Variants in PLCB1 observed in about 807,000 individuals in gnomAD.
PLCB1 encodes phospholipase C beta 1.
In PLCB1, 46 loss-of-function variants were observed where a neutral mutation model predicts 161.8. That is an observed-to-expected ratio of 0.28 (90% CI 0.22 to 0.36). The LOEUF is 0.36. Ranked by LOEUF, PLCB1 falls within the 10% of genes least tolerant of loss-of-function variation. The pLI, the probability that PLCB1 is intolerant of heterozygous loss-of-function variation, is 1.00. For synonymous variants in PLCB1, 517 were observed against 503.7 expected (o/e 1.03, Z -0.35); for missense variants, 1,016 against 1,472.5 (o/e 0.69, Z 5.07).
rs189573432 is a variant in PLCB1 at position 8,825,658 on chromosome 20, A to G, written c.3423+35397A>G. Among the ~76,000 whole-genome samples the G allele has an allele frequency of 4.4e-3, 676 of 152,358 alleles. 8 individuals carry two copies. Among genetic ancestry groups the G allele is most frequent in the South Asian group, 0.04 (191 of 4,824 alleles). ...ATTAACAATTTTGGCTTTTATCCTA[A>G]TAAGACTTAAGGCTGGCTGAAGGTA... On this transcript the variant is annotated intron_variant, in intron 31 of 31. Transcript: ENST00000338037.
At chr20:8,462,601 C>A (rs186455660) in intron 3 of PLCB1, among the ~76,000 whole-genome samples, 171 of 152,248 alleles carry the variant, frequency 1.1e-3, no homozygotes, top group Non-Finnish European at 8.2e-4. Flanking sequence ...TTGCATTGAT[C>A]AGTGTTTTCA....
rs753397179 is a variant in PLCB1 at position 8,132,782 on chromosome 20, T to C, written c.99+32T>C. On this transcript the variant is annotated intron_variant, in intron 1 of 31. Coordinates refer to ENST00000338037, the MANE Select transcript of PLCB1 (RefSeq NM_015192.4). The surrounding 1 kb of genome is among the most constrained non-coding windows in gnomAD (Gnocchi z 5.2). Reference sequence around the variant, plus strand: ...ATTGGGGCGGCCCGAGTCGGGGCGCTGGCTCGGGCACCGGGCAGGGCGGGC... The same window carrying C: ...ATTGGGGCGGCCCGAGTCGGGGCGCCGGCTCGGGCACCGGGCAGGGCGGGC... The C allele has an allele frequency of 6.1e-6, 9 of 1,467,560 alleles. No homozygotes were observed. Among genetic ancestry groups the C allele is most frequent in the Non-Finnish European group, 8.6e-6 (9 of 1,051,014 alleles). The allele number at this position is 1,467,560 out of a possible 1,614,324, so 90.9% of individuals were successfully genotyped here.
At chr20:8,247,074 G>A (rs1980912222) in intron 2 of PLCB1, among the ~76,000 whole-genome samples, 1 of 151,898 alleles carries the variant, frequency 6.6e-6, no homozygotes, top group Admixed American at 6.6e-5. Flanking sequence ...CATTTTCCAA[G>A]GAGCACTGTC....
At chr20:8,498,463 A>G (rs1983269951) in intron 3 of PLCB1, among the ~76,000 whole-genome samples, 1 of 152,152 alleles carries the variant, frequency 6.6e-6, no homozygotes, top group African/African-American at 2.4e-5. Context: ...TACTCCACCA[A>G]TGCTTATTGG....
chr20:8,684,075 G>A (rs994120419), intron 9 of PLCB1, among the ~76,000 whole-genome samples: 50 of 151,206 alleles, frequency 3.3e-4, no homozygotes, highest in East Asian at 1.8e-3. Flanking sequence ...TAGTAGAGAC[G>A]AGGTTTCACC....
At chr20:8,775,449 C>A (rs1982896758) in intron 27 of PLCB1, among the ~76,000 whole-genome samples, 1 of 152,120 alleles carries the variant, frequency 6.6e-6, no homozygotes, top group Non-Finnish European at 1.5e-5. Flanking sequence ...GGTAGTGTAT[C>A]CAGAAGAAAT....
chr20:8,441,846 G>A (rs1250345358), intron 3 of PLCB1, among the ~76,000 whole-genome samples: 1 of 152,062 alleles, frequency 6.6e-6, no homozygotes, highest in Non-Finnish European at 1.5e-5. Context: ...CAATCCAGGA[G>A]GATTAGCTAA....
chr20:8,545,087 T>C (rs570075962), intron 3 of PLCB1, among the ~76,000 whole-genome samples: 1 of 152,286 alleles, frequency 6.6e-6, no homozygotes, highest in East Asian at 1.9e-4. Context: ...TGCAAAGCCA[T>C]ATGTGGAAAC....
intron 2 of PLCB1, among the ~76,000 whole-genome samples, chr20:8,167,463 A>G (rs1017458037): frequency 6.6e-6 from 1 of 152,184 alleles, no homozygotes; most frequent in African/African-American, 2.4e-5. Context: ...ATCTGCCACA[A>G]TCACATAGCT....
chr20:8,521,344 G>A (rs1984341435), intron 3 of PLCB1, among the ~76,000 whole-genome samples: 2 of 151,488 alleles, frequency 1.3e-5, no homozygotes, highest in South Asian at 2.1e-4. Flanking sequence ...AAAAGAATAA[G>A]TAAAGGTATT....
chr20:8,693,202 GT>G (rs1476958327), intron 10 of PLCB1, among the ~76,000 whole-genome samples: 1 of 152,148 alleles, frequency 6.6e-6, no homozygotes, highest in Non-Finnish European at 1.5e-5. Context: ...CACAGAAAAT[GT>G]TTTGGGGAAT....
intron 30 of PLCB1, 62 bp from the exon 31 acceptor site, chr20:8,790,113 T>C: frequency 8.7e-7 from 1 of 1,149,804 alleles, no homozygotes. Context: ...TTCGGTATTT[T>C]CTGAAAACGT....
At chr20:8,345,145 C>A (rs781625406) in intron 2 of PLCB1, among the ~76,000 whole-genome samples, 1 of 152,148 alleles carries the variant, frequency 6.6e-6, no homozygotes, top group Non-Finnish European at 1.5e-5. Flanking sequence ...CTTCACGAAG[C>A]CTTAGTAGGA....
intron 3 of PLCB1, among the ~76,000 whole-genome samples, chr20:8,612,183 T>C (rs142073445): frequency 2.6e-5 from 4 of 152,216 alleles, no homozygotes; most frequent in South Asian, 2.1e-4. Flanking sequence ...AACCCTGGTA[T>C]AGAAAATGGC....
chr20:8,756,259 G>A (rs1981731349), intron 23 of PLCB1, among the ~76,000 whole-genome samples: 1 of 152,044 alleles, frequency 6.6e-6, no homozygotes, highest in Non-Finnish European at 1.5e-5. Flanking sequence ...ATAATATTAT[G>A]ATCCCCAGTA....
chr20:8,364,882 A>G (rs1034852481), intron 2 of PLCB1, among the ~76,000 whole-genome samples: 2 of 152,180 alleles, frequency 1.3e-5, no homozygotes, highest in East Asian at 1.9e-4. Flanking sequence ...AGTTTTCTCT[A>G]TTACTTAGGT....
chr20:8,482,611 C>T (rs1450398421), intron 3 of PLCB1, among the ~76,000 whole-genome samples: 1 of 152,054 alleles, frequency 6.6e-6, no homozygotes, highest in Non-Finnish European at 1.5e-5. Context: ...CCAGTGAATG[C>T]CAAAGAGTCC....
intron 31 of PLCB1, among the ~76,000 whole-genome samples, chr20:8,790,842 A>G (rs140037659): frequency 2.6e-5 from 4 of 152,334 alleles, no homozygotes; most frequent in Non-Finnish European, 1.5e-5. Flanking sequence ...TGAACTGAGT[A>G]TCTGTAGATC....
intron 3 of PLCB1, among the ~76,000 whole-genome samples, chr20:8,382,526 A>AG (rs1473716831): frequency 7.2e-6 from 1 of 138,146 alleles, no homozygotes. Context: ...CTCGTAATCC[A>AG]CCCATCTTGG....
Sources: allele counts gnomAD v4.1 joint callset (sites outside exome capture counted in the v4.1 genomes callset), GRCh38; gene constraint gnomAD v4.1.1; non-coding constraint Gnocchi (gnomAD v3.1); transcripts MANE v1.5; gene names NCBI Gene and HGNC (gene_info 2026-07-23, HGNC 2026-07-21).